The following KANK1 variants were observed in gnomAD, a reference collection of about 807,000 sequenced individuals.
The protein encoded by KANK1 is KN motif and ankyrin repeat domain-containing protein 1.
KANK1 carries 109 observed loss-of-function variants against 106.2 expected under a neutral mutation model. The ratio of observed to expected loss-of-function variants is 1.03; its 90% CI spans 0.88 to 1.20. KANK1 has a LOEUF of 1.20. KANK1 is among the 50% of genes most tolerant of loss of function. KANK1 has a pLI of 0.00. For synonymous variants in KANK1, 873 were observed against 652.2 expected, an observed-to-expected ratio of 1.34 and a Z score of -5.16; for missense variants, 2,399 against 1,710.7, an observed-to-expected ratio of 1.40 and a Z score of -7.10.
intron 9 of KANK1, 102 bp from the exon 10 acceptor site, chr9:742,103 C>G: frequency 1.0e-6 from 1 of 997,772 alleles, no homozygotes; most frequent in Non-Finnish European, 1.5e-6. Flanking sequence ...TCTTTCCCTT[C>G]TGTCACCACA....
chr9:611,174 G>A lies in KANK1; in HGVS notation c.-83-65716G>A, dbSNP rs899390850. The stretch of plus-strand genomic sequence containing the variant: ...TTTTTTGGCCTTCAGAGATGTCGCT[G>A]TCAGCCCCCTGAGTTCCATTTGTTA... On this transcript the variant is annotated intron_variant, in intron 1 of 11. Transcript: ENST00000382297. Among the ~76,000 whole-genome samples the A allele has an allele frequency of 2.2e-4, 34 of 152,158 alleles. 1 individual carries two copies. The highest frequency in any genetic ancestry group is 2.9e-5 in the Non-Finnish European group (2 of 68,026).
intron 2 of KANK1, among the ~76,000 whole-genome samples, chr9:694,684 A>G (rs1426959124): frequency 6.6e-6 from 1 of 152,094 alleles, no homozygotes; most frequent in African/African-American, 2.4e-5. Flanking sequence ...CCGTTCCACT[A>G]CTGAGAATAG....
chr9:590,224 A>G (rs905032277), intron 1 of KANK1, among the ~76,000 whole-genome samples: 8 of 152,066 alleles, frequency 5.3e-5, no homozygotes, highest in Non-Finnish European at 1.2e-4. Context: ...ATTAGTGAAG[A>G]CCGAGTAGCA....
At chr9:492,947 T>A (rs1225691780) in intron 3 of KANK1, among the ~76,000 whole-genome samples, 1 of 148,898 alleles carries the variant, frequency 6.7e-6, no homozygotes, top group African/African-American at 2.5e-5. Flanking sequence ...TCACTTGAAC[T>A]CAGGAGGCAG....
chr9:712,605 C>T lies in KANK1; in HGVS notation c.1839C>T (p.Leu613=), dbSNP rs957457141. The T allele has an allele frequency of 1.2e-6, 2 of 1,614,178 alleles. No individual in the cohort carries two copies. The highest frequency in any genetic ancestry group is 2.7e-5 in the African/African-American group (2 of 75,034). Residue 613 remains leucine (L), a synonymous_variant, in exon 3 of 12, where the codon CTC becomes CTT. Coordinates refer to ENST00000382297, the MANE Select transcript of KANK1 (RefSeq NM_015158.5). The part of the protein sequence containing the change: ...GSNTEESVND[L]TLLKTNLNLK... ...ACACAGAGGAGTCTGTGAACGACCT[C>T]ACACTCCTCAAGACAAACTTGAATC...
intron 1 of KANK1, among the ~76,000 whole-genome samples, chr9:645,126 CAAAAAAA>C (rs56391632): frequency 2.8e-5 from 2 of 71,126 alleles, no homozygotes; most frequent in African/African-American, 6.4e-5. Flanking sequence ...TCCATCTCTA[CAAAAAAA>C]AAAAAAAAAA....
At chr9:577,000 G>A (rs1820737920) in intron 1 of KANK1, among the ~76,000 whole-genome samples, 1 of 152,202 alleles carries the variant, frequency 6.6e-6, no homozygotes. Flanking sequence ...GTTCAGATGA[G>A]TCCTTAGTTT....
At chr9:573,201 A>T (rs1048027507) in intron 1 of KANK1, among the ~76,000 whole-genome samples, 1 of 152,146 alleles carries the variant, frequency 6.6e-6, no homozygotes, top group African/African-American at 2.4e-5. Flanking sequence ...AATGTGGAGG[A>T]GCTAGAGGAA....
rs1032288649 is a variant in KANK1, at chr9:562,050, T to TC, written c.-84+57296_-84+57297insC. On this transcript the variant is annotated intron_variant, in intron 1 of 11. Transcript: ENST00000382297. The stretch of plus-strand genomic sequence containing the variant: ...TAAGTAAATTGCATTTTCTTTTTTT[T>TC]TTTTTTTTTTTTTGAGACGGAGTCT... Among the ~76,000 whole-genome samples, 7 of 140,530 alleles carry TC rather than the reference T, an allele frequency of 5.0e-5. No homozygotes were observed. The East Asian group carries it at 1.4e-3, about 28-fold the overall frequency. The allele number at this position is 140,530 out of a possible 152,430, so 92.2% of individuals were successfully genotyped here. A position where few individuals can be genotyped will look rare whatever the true frequency, so the allele number is the denominator to read the frequency against.
intron 1 of KANK1, among the ~76,000 whole-genome samples, 178 bp downstream of exon 1, chr9:504,932 G>C (rs2058673229): frequency 6.6e-6 from 1 of 150,598 alleles, no homozygotes; most frequent in South Asian, 2.1e-4. Flanking sequence ...CGCTCGTGCG[G>C]GTGAACCCGG....
intron 1 of KANK1, among the ~76,000 whole-genome samples, chr9:584,111 T>A (rs905410339): frequency 1.3e-5 from 2 of 152,126 alleles, no homozygotes; most frequent in Admixed American, 6.5e-5. Context: ...ATTACATATA[T>A]AATCAAAAAT....
At chr9:556,992 T>C (rs10115596) in intron 1 of KANK1, among the ~76,000 whole-genome samples, 48,258 of 151,870 alleles carry the variant, frequency 0.32, 8,675 homozygotes, top group African/African-American at 0.48. Context: ...TTAATTTTGT[T>C]AGGTTTGTTA....
At chr9:668,054 T>C (rs11506299) in intron 1 of KANK1, among the ~76,000 whole-genome samples, 24,430 of 152,124 alleles carry the variant, frequency 0.16, 2,804 homozygotes, top group East Asian at 0.33. Context: ...GTTATTGATA[T>C]CTAGTTTTAT....
intron 1 of KANK1, among the ~76,000 whole-genome samples, chr9:665,519 G>A (rs1035601678): frequency 7.2e-5 from 11 of 152,104 alleles, no homozygotes; most frequent in South Asian, 2.1e-4. Context: ...CTGTTCAGTC[G>A]GTGTTTGTGT....
chr9:537,799 A>G (rs569146083), intron 1 of KANK1, among the ~76,000 whole-genome samples: 3 of 152,334 alleles, frequency 2.0e-5, no homozygotes, highest in South Asian at 2.1e-4. Context: ...GATGCCCAGA[A>G]TAGCCCACAA....
At chr9:527,657 G>A (rs1451572708) in intron 1 of KANK1, among the ~76,000 whole-genome samples, 1 of 151,218 alleles carries the variant, frequency 6.6e-6, no homozygotes, top group Non-Finnish European at 1.5e-5. Flanking sequence ...GGTTACAAGG[G>A]AGATAGTCTC....
At chr9:604,992 C>T (rs1250205699) in intron 1 of KANK1, among the ~76,000 whole-genome samples, 1 of 151,688 alleles carries the variant, frequency 6.6e-6, no homozygotes, top group Non-Finnish European at 1.5e-5. Context: ...TTTGCAAATA[C>T]CATCTCATTT....
At chr9:683,492 C>T (rs530211824) in intron 2 of KANK1, among the ~76,000 whole-genome samples, 6 of 152,174 alleles carry the variant, frequency 3.9e-5, no homozygotes, top group South Asian at 2.1e-4. Context: ...TTGCTGAGCT[C>T]ACACAGCTAA....
chr9:680,816 A>T (rs1041929811), intron 2 of KANK1: 4 of 152,146 alleles, frequency 2.6e-5, no homozygotes, highest in African/African-American at 9.7e-5. Flanking sequence ...GCCCTTCCTC[A>T]CCGCCAGCCC....
Sources: allele counts gnomAD v4.1 joint callset (sites outside exome capture counted in the v4.1 genomes callset), GRCh38; gene constraint gnomAD v4.1.1; transcripts MANE v1.5; gene names NCBI Gene and HGNC (gene_info 2026-07-23, HGNC 2026-07-21).